Variants in CTNNA3 observed in about 807,000 individuals in gnomAD.
CTNNA3 encodes catenin alpha-3.
In CTNNA3, 76 loss-of-function variants were observed where a neutral mutation model predicts 95.7. The ratio of observed to expected loss-of-function variants is 0.79; its 90% confidence interval spans 0.66 to 0.96. The LOEUF (loss-of-function observed/expected upper bound fraction) is 0.96. Among genes scored for constraint, CTNNA3 ranks in the 40% least tolerant of loss-of-function variants. The probability of loss-of-function intolerance (pLI) is 0.00; values close to 1 mark genes in which losing one functional copy is unlikely to be tolerated. For missense variants in CTNNA3, 1,191 were observed against 1,089.8 expected (o/e 1.09, Z -1.31); for synonymous variants, 431 against 374.4 (o/e 1.15, Z -1.74).
At chr10:65,986,291 T>A (rs1589217803) in intron 16 of CTNNA3, among the ~76,000 whole-genome samples, 1 of 142,372 alleles carries the variant, frequency 7.0e-6, no homozygotes, top group Admixed American at 7.1e-5. Flanking sequence ...AATAAAAATA[T>A]ATATACAAAA....
intron 12 of CTNNA3, among the ~76,000 whole-genome samples, chr10:66,362,784 C>T (rs1167961455): frequency 2.6e-5 from 4 of 151,844 alleles, no homozygotes; most frequent in Admixed American, 6.6e-5. Flanking sequence ...TAGCTTTGCT[C>T]TGAGAGTTCT....
At chr10:66,119,621 G>GA (rs34824785) in intron 13 of CTNNA3, among the ~76,000 whole-genome samples, 2 of 152,194 alleles carry the variant, frequency 1.3e-5, no homozygotes, top group South Asian at 4.1e-4. Context: ...TTTGTATAAT[G>GA]AAAAAATAAG....
At chr10:66,706,885 G>A (rs1848136148) in intron 9 of CTNNA3, among the ~76,000 whole-genome samples, 1 of 151,996 alleles carries the variant, frequency 6.6e-6, no homozygotes, top group African/African-American at 2.4e-5. Context: ...GTAGAATAAA[G>A]TGTGAAATTT....
intron 5 of CTNNA3, among the ~76,000 whole-genome samples, chr10:67,463,726 C>T (rs530544601): frequency 5.6e-4 from 85 of 152,326 alleles, no homozygotes; most frequent in African/African-American, 2.0e-3. Context: ...TAAATTTTCT[C>T]TATAGGCTTT....
chr10:67,205,958 TTCTC>T (rs1564972082), intron 6 of CTNNA3, among the ~76,000 whole-genome samples: 1 of 152,290 alleles, frequency 6.6e-6, no homozygotes, highest in East Asian at 1.9e-4. Flanking sequence ...GAGAATGTCT[TTCTC>T]AAGAACCTGG....
intron 5 of CTNNA3, among the ~76,000 whole-genome samples, chr10:67,501,055 A>G (rs191841879): frequency 6.6e-6 from 1 of 152,342 alleles, no homozygotes; most frequent in East Asian, 1.9e-4. Flanking sequence ...GTTTCTTCAT[A>G]GTGCCGATGG....
At chr10:66,169,056 T>C (rs1382586487) in intron 13 of CTNNA3, among the ~76,000 whole-genome samples, 5 of 152,150 alleles carry the variant, frequency 3.3e-5, no homozygotes, top group Admixed American at 2.6e-4. Flanking sequence ...AATTGTCTAT[T>C]TTTGTTGTTG....
chr10:67,206,733 A>ATCTATAT (rs1863917554), intron 6 of CTNNA3, among the ~76,000 whole-genome samples: 1 of 151,524 alleles, frequency 6.6e-6, no homozygotes, highest in South Asian at 2.1e-4. Flanking sequence ...TGATTCTAGA[A>ATCTATAT]TCTAGATTCT....
intron 11 of CTNNA3, among the ~76,000 whole-genome samples, chr10:66,401,300 G>T (rs917177590): frequency 3.3e-5 from 5 of 152,042 alleles, no homozygotes; most frequent in Admixed American, 1.3e-4. Flanking sequence ...GCTGAGGCAG[G>T]GGATTGTTTG....
chr10:67,732,886 G>GCACACA (rs35778813), intron 1 of CTNNA3, among the ~76,000 whole-genome samples: 3 of 103,612 alleles, frequency 2.9e-5, no homozygotes, highest in Non-Finnish European at 5.4e-5. Flanking sequence ...TCTCACTCAC[G>GCACACA]CACACACACA....
intron 11 of CTNNA3, among the ~76,000 whole-genome samples, chr10:66,381,986 G>A (rs1031067998): frequency 5.9e-5 from 9 of 152,162 alleles, no homozygotes; most frequent in African/African-American, 2.2e-4. Flanking sequence ...AATAGGAGCA[G>A]CTCCGGTCTG....
chr10:67,271,700 G>A (rs1236510226), intron 5 of CTNNA3, among the ~76,000 whole-genome samples: 2 of 152,050 alleles, frequency 1.3e-5, no homozygotes, highest in African/African-American at 4.8e-5. Context: ...AACTCATTTA[G>A]CAAAATGCCA....
At chr10:65,954,934 G>A (rs1338757122) in intron 17 of CTNNA3, among the ~76,000 whole-genome samples, 2 of 152,142 alleles carry the variant, frequency 1.3e-5, no homozygotes, top group Non-Finnish European at 2.9e-5. Flanking sequence ...GAAGTCATTG[G>A]TATCTTGATG....
intron 7 of CTNNA3, chr10:66,928,341 C>A (rs1847190119): frequency 6.2e-7 from 1 of 1,614,034 alleles, no homozygotes; most frequent in Non-Finnish European, 8.5e-7. Context: ...TGACTCCCAG[C>A]ACCCAGGAAT....
intron 13 of CTNNA3, among the ~76,000 whole-genome samples, chr10:66,269,662 A>G (rs1010554796): frequency 2.0e-5 from 3 of 152,200 alleles, no homozygotes; most frequent in Non-Finnish European, 1.5e-5. Flanking sequence ...TTTAGAGCTT[A>G]TAACACCAAG....
At chr10:66,484,937 T>C (rs1839674192) in intron 11 of CTNNA3, among the ~76,000 whole-genome samples, 1 of 152,080 alleles carries the variant, frequency 6.6e-6, no homozygotes, top group African/African-American at 2.4e-5. Context: ...TCAACCTATG[T>C]CAATGAATGA....
At chr10:67,062,549 G>A (rs1855821521) in intron 7 of CTNNA3, among the ~76,000 whole-genome samples, 1 of 151,556 alleles carries the variant, frequency 6.6e-6, no homozygotes, top group Non-Finnish European at 1.5e-5. Context: ...GTGTAGATAT[G>A]GGGCATTAAG....
At position 67,235,865 on chromosome 10, in the gene CTNNA3, C is replaced by T. The variant is rs1406058024; in HGVS notation, c.580-15995G>A. Among the ~76,000 whole-genome samples, 10 of 141,262 alleles carry T rather than the reference C, an allele frequency of 7.1e-5. 1 individual carries two copies. The East Asian group carries it at 2.1e-3, about 29-fold the overall frequency. The allele number at this position is 141,262 out of a possible 152,430, so 92.7% of individuals were successfully genotyped here. A position where few individuals can be genotyped will look rare whatever the true frequency, so the allele number is the denominator to read the frequency against. On this transcript the variant is annotated intron_variant, in intron 5 of 17. Transcript: ENST00000433211. ...AGTGGGCGAAGGACATGAACAGACT[C>T]TTCTCAAAAGAAGACATTTATGCAG...
At chr10:67,294,272 C>T (rs756096177) in intron 5 of CTNNA3, among the ~76,000 whole-genome samples, 81 of 152,012 alleles carry the variant, frequency 5.3e-4, no homozygotes, top group Non-Finnish European at 9.6e-4. Context: ...AAATCTAATA[C>T]TCGAGTAAAT....
Sources: gnomAD v4.1 joint callset for allele counts (sites outside exome capture counted in the v4.1 genomes callset) on GRCh38, gnomAD v4.1.1 for gene constraint, MANE v1.5 for transcripts, NCBI Gene and HGNC (gene_info 2026-07-23, HGNC 2026-07-21) for gene names.